The following ADAM7 variants were observed in gnomAD, a reference collection of about 807,000 sequenced individuals.
ADAM7 encodes ADAM metallopeptidase domain 7.
Under a neutral mutation model 102.9 loss-of-function variants are expected in ADAM7, and 97 were observed. The ratio of observed to expected loss-of-function variants is 0.94; its 90% confidence interval spans 0.80 to 1.12. The LOEUF is 1.12. Among genes scored for constraint, ADAM7 ranks in the 50% most tolerant of loss-of-function variants. The pLI is 0.00. For synonymous variants in ADAM7, 334 were observed against 304.4 expected (o/e 1.10, Z -1.01); for missense variants, 991 against 908.7 (o/e 1.09, Z -1.16).
intron 3 of ADAM7, among the ~76,000 whole-genome samples, chr8:24,462,678 T>C (rs1362200787): frequency 6.6e-6 from 1 of 152,228 alleles, no homozygotes; most frequent in Non-Finnish European, 1.5e-5. Context: ...TGTCTAGTAG[T>C]AGCTTATTCA....
chr8:24,493,635 A>G (rs1408577518), intron 16 of ADAM7, among the ~76,000 whole-genome samples: 2 of 152,218 alleles, frequency 1.3e-5, no homozygotes, highest in African/African-American at 4.8e-5. Flanking sequence ...TGAGAATTTC[A>G]TACAGTAAAA....
chr8:24,507,398 T>C, intron 20 of ADAM7, 82 bp from the exon 21 acceptor site: 1 of 1,098,986 alleles, frequency 9.1e-7, no homozygotes, highest in Non-Finnish European at 1.4e-6. Context: ...TGTGTATGTG[T>C]GCACATGCAT....
intron 3 of ADAM7, among the ~76,000 whole-genome samples, chr8:24,451,629 T>A (rs1818793977): frequency 6.6e-6 from 1 of 151,772 alleles, no homozygotes; most frequent in Non-Finnish European, 1.5e-5. Context: ...TTTTGAAGGG[T>A]TTTTTGTGTC....
chr8:24,508,577 C>A lies in ADAM7; in HGVS notation c.*31C>A. The stretch of plus-strand genomic sequence containing the variant: ...AAGTTGGATATCCAAAATGGCCGTG[C>A]AAGCTTAGGCTGGGGATTCTGGATG... On this transcript the variant is annotated 3_prime_UTR_variant, in exon 22 of 22. Coordinates refer to ENST00000175238, the MANE Select transcript of ADAM7 (RefSeq NM_003817.4). 1 of 1,613,372 alleles carries A rather than the reference C, an allele frequency of 6.2e-7. No individual in the cohort carries two copies. The highest frequency in any genetic ancestry group is 8.5e-7 in the Non-Finnish European group (1 of 1,179,590).
intron 2 of ADAM7, among the ~76,000 whole-genome samples, chr8:24,445,324 T>C (rs1181839135): frequency 6.6e-6 from 1 of 152,196 alleles, no homozygotes; most frequent in Non-Finnish European, 1.5e-5. Context: ...AATTTTATTG[T>C]TCAACTTGCA....
intron 3 of ADAM7, among the ~76,000 whole-genome samples, chr8:24,455,211 C>T (rs1405054325): frequency 6.6e-6 from 1 of 152,074 alleles, no homozygotes; most frequent in Non-Finnish European, 1.5e-5. Flanking sequence ...TATACATATA[C>T]CCATAGATCC....
chr8:24,479,581 T>C (rs921095865), intron 8 of ADAM7, among the ~76,000 whole-genome samples: 7 of 152,256 alleles, frequency 4.6e-5, no homozygotes, highest in African/African-American at 1.4e-4. Flanking sequence ...TCTCCCTCTC[T>C]GTCTCCCACT....
intron 6 of ADAM7, 61 bp downstream of exon 6, chr8:24,467,049 C>T (rs1819450427): frequency 3.4e-6 from 5 of 1,460,920 alleles, no homozygotes; most frequent in Non-Finnish European, 4.8e-6. Flanking sequence ...TTGATGATGT[C>T]TAGGGATAAA....
At chr8:24,460,192 T>C (rs1041356671) in intron 3 of ADAM7, among the ~76,000 whole-genome samples, 4 of 152,142 alleles carry the variant, frequency 2.6e-5, no homozygotes, top group African/African-American at 9.6e-5. Context: ...TAAGATACTA[T>C]TCTTTTATTC....
intron 7 of ADAM7, among the ~76,000 whole-genome samples, chr8:24,474,723 A>G (rs762407357): frequency 1.3e-4 from 20 of 151,876 alleles, no homozygotes; most frequent in Non-Finnish European, 2.4e-4. Flanking sequence ...AGACCTCATC[A>G]TGACAAAAAG....
intron 17 of ADAM7, 144 bp downstream of exon 17, chr8:24,499,460 A>G: frequency 1.7e-6 from 1 of 589,758 alleles, no homozygotes; most frequent in Non-Finnish European, 2.6e-6. Context: ...TCATTTTTTC[A>G]TGTGTTATCA....
chr8:24,474,003 G>C (rs1479637067), intron 7 of ADAM7, among the ~76,000 whole-genome samples: 1 of 152,038 alleles, frequency 6.6e-6, no homozygotes, highest in Non-Finnish European at 1.5e-5. Context: ...CTCCTATTCA[G>C]TATAAACATT....
At chr8:24,460,478 G>T (rs1819200328) in intron 3 of ADAM7, among the ~76,000 whole-genome samples, 1 of 151,360 alleles carries the variant, frequency 6.6e-6, no homozygotes, top group African/African-American at 2.4e-5. Flanking sequence ...TTTTTCCTTT[G>T]ATCTTTGGCT....
In ADAM7 at chr8:24,489,337, T is replaced by C. The variant is rs572420354; in HGVS notation, c.1266+4T>C. 6.9e-6 allele frequency: 11 copies of C among 1,600,762 alleles called. No individual in the cohort carries two copies. Among genetic ancestry groups the C allele is most frequent in the African/African-American group, 1.3e-5 (1 of 74,562 alleles). The stretch of plus-strand genomic sequence containing the variant: ...GTGTGACTGTGGCCCTGCTCAGGTA[T>C]TTGCAAATGAAGCTATCTTTAAATT... On this transcript the variant is annotated splice_donor_region_variant and intron_variant, in intron 12 of 21. Coordinates refer to ENST00000175238, the MANE Select transcript of ADAM7 (RefSeq NM_003817.4).
Position 24,507,550 on chromosome 8 carries a change from C to G in ADAM7, c.2264+15C>G. 6.3e-7 allele frequency: 1 copy of G among 1,594,214 alleles called. No individual in the cohort carries two copies. The highest frequency in any genetic ancestry group is 1.7e-5 in the Admixed American group (1 of 59,842). The stretch of plus-strand genomic sequence containing the variant: ...AGTGCCAAGTGGTAGGTTACCCTGA[C>G]AGATAGTACCTCCCTTTTTTATTTT... On this transcript the variant is annotated intron_variant, in intron 21 of 21. Coordinates refer to ENST00000175238, the MANE Select transcript of ADAM7 (RefSeq NM_003817.4).
chr8:24,477,180 C>G (rs1819795372), intron 8 of ADAM7, among the ~76,000 whole-genome samples: 1 of 152,090 alleles, frequency 6.6e-6, no homozygotes, highest in Admixed American at 6.6e-5. Flanking sequence ...GTTGTATGTG[C>G]AATTATAGAA....
At chr8:24,457,599 A>C (rs1172629151) in intron 3 of ADAM7, among the ~76,000 whole-genome samples, 1 of 152,110 alleles carries the variant, frequency 6.6e-6, no homozygotes, top group Non-Finnish European at 1.5e-5. Flanking sequence ...AGTCAAATAT[A>C]GTTCTTGTTA....
Position 24,466,872 on chromosome 8 carries a change from G to A in ADAM7, c.463G>A (p.Val155Met). 1.2e-6 allele frequency: 2 copies of A among 1,613,978 alleles called. No individual in the cohort carries two copies. The highest frequency in any genetic ancestry group is 1.7e-6 in the Non-Finnish European group (2 of 1,179,890). ...VKYSDEGEHL[V>M]FKYNLRVPYG... ...ATACTCAGATGAGGGAGAACATTTGGTGTTCAAATATAACCTGAGGGTGCC... is the reference window on the plus strand; with the variant it reads ...ATACTCAGATGAGGGAGAACATTTGATGTTCAAATATAACCTGAGGGTGCC... Residue 155 changes from valine to methionine, a missense_variant, in exon 6 of 22, where the codon GTG becomes ATG. Coordinates refer to ENST00000175238, the MANE Select transcript of ADAM7 (RefSeq NM_003817.4).
chr8:24,461,541 A>C (rs1022832383), intron 3 of ADAM7, among the ~76,000 whole-genome samples: 2 of 152,100 alleles, frequency 1.3e-5, no homozygotes, highest in Non-Finnish European at 2.9e-5. Context: ...TTGAAATTAT[A>C]ATTCATGTCT....
Sources: gnomAD v4.1 joint callset for allele counts (sites outside exome capture counted in the v4.1 genomes callset) on GRCh38, gnomAD v4.1.1 for gene constraint, MANE v1.5 for transcripts, NCBI Gene and HGNC (gene_info 2026-07-23, HGNC 2026-07-21) for gene names.